The following ESCO2 variants were observed in gnomAD, a reference collection of about 807,000 sequenced individuals.
ESCO2 encodes the protein establishment of sister chromatid cohesion N-acetyltransferase 2, also known as N-acetyltransferase ESCO2.
Under a neutral mutation model 61.7 loss-of-function variants are expected in ESCO2, and 51 were observed. That is an observed-to-expected ratio of 0.83 (90% CI 0.66 to 1.04). The LOEUF (loss-of-function observed/expected upper bound fraction) is 1.04, where lower values mean the gene tolerates loss of function less well. ESCO2 is among the 50% of genes least tolerant of loss of function. ESCO2 has a pLI of 0.00. For missense variants in ESCO2, 692 were observed against 686.2 expected (o/e 1.01, Z -0.09); for synonymous variants, 230 against 238.2 (o/e 0.97, Z 0.32).
Position 27,788,943 on chromosome 8 carries a change from C to T in ESCO2, c.1228C>T (p.His410Tyr). The change falls in exon 7 of 11, where the codon CAT (histidine) becomes TAT (tyrosine). Residue 410 changes from histidine (H) to tyrosine (Y), a missense_variant. Physicochemically the swap from His to Tyr is moderately conservative, Grantham distance 83 (BLOSUM62 2). Coordinates refer to ENST00000305188, the MANE Select transcript of ESCO2 (RefSeq NM_001017420.3). ...NPEDEMQHVQ[H>Y]HHRFLEGIKY... ...TGAAGATGAAATGCAGCATGTACAG[C>T]ATCACCACAGGTTTCTGGAAGGAAT... 1 of 1,614,102 alleles carries T rather than the reference C, an allele frequency of 6.2e-7. No individual in the cohort carries two copies.
At chr8:27,773,323 A>G (rs2128950044), upstream of ESCO2, among the ~76,000 whole-genome samples, 1 of 152,254 alleles carries the variant, frequency 6.6e-6, no homozygotes, top group African/African-American at 2.4e-5. Flanking sequence ...TGTCTAGCCA[A>G]TCACTGATGC....
At chr8:27,811,186 C>T, downstream of ESCO2, 2 of 1,544,278 alleles carry the variant, frequency 1.3e-6, no homozygotes, top group South Asian at 1.1e-5. Flanking sequence ...CACGAAAAGG[C>T]AAGCAACCCA....
At chr8:27,784,159 T>A in intron 5 of ESCO2, 102 bp downstream of exon 5, 1 of 1,067,070 alleles carries the variant, frequency 9.4e-7, no homozygotes, top group Non-Finnish European at 1.4e-6. Context: ...AGTTTTTTTT[T>A]CTTCCTCACT....
At chr8:27,802,939 G>T (rs1417506605) in intron 10 of ESCO2, among the ~76,000 whole-genome samples, 5 of 151,474 alleles carry the variant, frequency 3.3e-5, no homozygotes. Flanking sequence ...TAGAGACAGG[G>T]TTTCACCGTG....
At position 27,803,567 on chromosome 8, in the gene ESCO2, CGCACACACACAT is replaced by C. The variant is rs1449379325; in HGVS notation, c.*130_*141del. The C allele has an allele frequency of 6.9e-7, 1 of 1,446,386 alleles. No homozygotes were observed. The highest frequency in any genetic ancestry group is 2.6e-5 in the East Asian group (1 of 38,788). 89.6% of individuals were successfully genotyped at this position (1,446,386 alleles called of 1,614,324 possible). On this transcript the variant is annotated 3_prime_UTR_variant, in exon 11 of 11. Coordinates refer to ENST00000305188, the MANE Select transcript of ESCO2 (RefSeq NM_001017420.3). ...ACACTCATACACACACACACACACA[CGCACACACACAT>C]ATCACAGTTTTGTTCCTTATGAGTT...
downstream of ESCO2, chr8:27,812,624 G>GAAAAAAAAAAAAAAAAAAAA (rs34477454): frequency 8.0e-6 from 1 of 124,632 alleles, no homozygotes; most frequent in Admixed American, 8.0e-5. Flanking sequence ...AAATTTACAA[G>GAAAAAAAAAAAAAAAAAAAA]AAAAAAAAAA....
At position 27,776,498 on chromosome 8, in the gene ESCO2, GAAAT is replaced by G. The variant is rs1368322558; in HGVS notation, c.196_199del (p.Asn66AspfsTer35). ...TGTTTTAAGTGCGCTCAAAACAACT[GAAAT>G]AAATAGACTGCCATCAGCAAATCAA... On this transcript the variant is annotated frameshift_variant, in exon 3 of 11. Transcript: ENST00000305188. LOFTEE classifies it high-confidence loss of function. The G allele has an allele frequency of 1.2e-6, 2 of 1,613,596 alleles. No homozygotes were observed. Among genetic ancestry groups the G allele is most frequent in the African/African-American group, 1.3e-5 (1 of 74,890 alleles).
downstream of ESCO2, chr8:27,811,160 G>A: frequency 1.2e-6 from 2 of 1,611,520 alleles, no homozygotes; most frequent in South Asian, 1.1e-5. Context: ...TGGTTATGAA[G>A]GCAGGAGCTA....
chr8:27,782,067 C>G (rs1038959348), intron 4 of ESCO2, among the ~76,000 whole-genome samples: 1 of 152,072 alleles, frequency 6.6e-6, no homozygotes, highest in Non-Finnish European at 1.5e-5. Context: ...GCCAGCTGGA[C>G]GTTGATATTT....
downstream of ESCO2, among the ~76,000 whole-genome samples, chr8:27,812,945 T>C (rs58990143): frequency 0.16 from 23,948 of 152,124 alleles, 2,397 homozygotes; most frequent in East Asian, 0.37. Flanking sequence ...AGAAATACCA[T>C]TTGACCCAGC....
chr8:27,815,074 A>C (rs985741786), downstream of ESCO2, among the ~76,000 whole-genome samples: 3 of 152,208 alleles, frequency 2.0e-5, no homozygotes, highest in African/African-American at 7.2e-5. Context: ...AATAGAAAGA[A>C]GACACAGTGG....
intron 9 of ESCO2, among the ~76,000 whole-genome samples, chr8:27,796,653 G>T (rs1029101434): frequency 5.9e-5 from 9 of 152,118 alleles, no homozygotes; most frequent in African/African-American, 2.2e-4. Flanking sequence ...GGAGCATGTG[G>T]TTTAATTTTC....
downstream of ESCO2, among the ~76,000 whole-genome samples, chr8:27,814,409 G>GT (rs1355313855): frequency 6.6e-6 from 1 of 151,884 alleles, no homozygotes; most frequent in Non-Finnish European, 1.5e-5. Context: ...GGTGACTTGT[G>GT]TTCTCTTTTT....
rs750009035 is a variant in ESCO2 at position 27,775,506 on chromosome 8, A to G, written c.-9A>G. On this transcript the variant is annotated 5_prime_UTR_variant, in exon 2 of 11. Coordinates refer to ENST00000305188, the MANE Select transcript of ESCO2 (RefSeq NM_001017420.3). ...TATTGTCATTTCTTTTAGGAATTCA[A>G]TAAAGAAAATGGCAGCTCTTACTCC... 6.8e-6 allele frequency: 11 copies of G among 1,613,382 alleles called. No individual in the cohort carries two copies. In the Admixed American group the frequency reaches 8.3e-5, roughly 12 times the overall value.
chr8:27,799,697 C>T lies in ESCO2; in HGVS notation c.1654C>T (p.Arg552Ter), dbSNP rs991672013. Residue 552 changes from arginine (R) to a stop codon, truncating the protein, a stop_gained, in exon 10 of 11, where the codon CGA becomes TGA. Transcript: ENST00000305188. LOFTEE classifies it high-confidence loss of function. Reference sequence around the variant, plus strand: ...GAAGAGAAGAAAGCGCATTGCAAGACGACTGGTTGATACCCTCAGGTAAGA... The same window carrying T: ...GAAGAGAAGAAAGCGCATTGCAAGATGACTGGTTGATACCCTCAGGTAAGA... Reference protein sequence around the residue: ...RLKRRKRIARRLVDTLRNCFM... With the variant: ...RLKRRKRIAR 9 of 1,613,676 alleles carry T rather than the reference C, an allele frequency of 5.6e-6. No homozygotes were observed. The highest frequency in any genetic ancestry group is 3.3e-5 in the South Asian group (3 of 91,064).
In ESCO2 at chr8:27,804,090, T is replaced by C. The variant is rs1805513105; in HGVS notation, c.*652T>C. 1.0e-6 allele frequency: 1 copy of C among 985,298 alleles called. No homozygotes were observed. 61.0% of individuals were successfully genotyped at this position (985,298 alleles called of 1,614,324 possible). The stretch of plus-strand genomic sequence containing the variant: ...AGGCACTCGTCTGTAGTAACTCAGT[T>C]TGAATATCTTTAGAAAATGTTTAGA... On this transcript the variant is annotated 3_prime_UTR_variant, in exon 11 of 11. Coordinates refer to ENST00000305188, the MANE Select transcript of ESCO2 (RefSeq NM_001017420.3).
chr8:27,808,200 G>A (rs1249537885), downstream of ESCO2: 3 of 1,229,442 alleles, frequency 2.4e-6, no homozygotes, highest in East Asian at 1.7e-4. Context: ...ACAGATTGTA[G>A]AAGATTAAAT....
At chr8:27,793,348 A>G (rs1313920695) in intron 9 of ESCO2, among the ~76,000 whole-genome samples, 2 of 152,134 alleles carry the variant, frequency 1.3e-5, no homozygotes, top group Non-Finnish European at 2.9e-5. Flanking sequence ...TACAGTGTAC[A>G]TGTGATATTT....
chr8:27,807,461 C>T (rs1013049760), downstream of ESCO2, among the ~76,000 whole-genome samples: 2 of 152,208 alleles, frequency 1.3e-5, no homozygotes, highest in South Asian at 4.2e-4. Flanking sequence ...AAACCAAACC[C>T]AATTTGGTCT....
Sources: gnomAD v4.1 joint callset for allele counts (sites outside exome capture counted in the v4.1 genomes callset) on GRCh38, gnomAD v4.1.1 for gene constraint, MANE v1.5 for transcripts, NCBI Gene and HGNC (gene_info 2026-07-23, HGNC 2026-07-21) for gene names.